ZFHX3: variants seen among roughly 807,000 people sequenced by gnomAD.
ZFHX3 encodes the protein zinc finger homeobox 3.
Under a neutral mutation model 279.1 loss-of-function variants are expected in ZFHX3, and 42 were observed. That is an observed-to-expected ratio of 0.15 (90% CI 0.12 to 0.19). The LOEUF (loss-of-function observed/expected upper bound fraction) is 0.19, where lower values mean the gene tolerates loss of function less well. Among genes scored for constraint, ZFHX3 ranks in the 10% least tolerant of loss-of-function variants. ZFHX3 has a pLI of 1.00. For missense variants in ZFHX3, 4,981 were observed against 4,754.0 expected (o/e 1.05, Z -1.40); for synonymous variants, 2,293 against 1,957.8 (o/e 1.17, Z -4.52).
At chr16:73,319,746 C>T (rs1366479626) in intron 3 of ZFHX3, among the ~76,000 whole-genome samples, 2 of 152,134 alleles carry the variant, frequency 1.3e-5, no homozygotes, top group Non-Finnish European at 2.9e-5. Flanking sequence ...TTAAACGAAA[C>T]CCCGCTTGAA....
chr16:73,024,262 C>T (rs985447306), intron 1 of ZFHX3, among the ~76,000 whole-genome samples: 6 of 152,128 alleles, frequency 3.9e-5, no homozygotes, highest in East Asian at 1.9e-4. Flanking sequence ...AAGGGAGGGG[C>T]GAAAGAAGAG....
intron 7 of ZFHX3, among the ~76,000 whole-genome samples, chr16:73,108,524 C>T (rs1044326353): frequency 1.3e-5 from 2 of 152,058 alleles, no homozygotes; most frequent in Admixed American, 1.3e-4. Flanking sequence ...CCACCTTGAC[C>T]TCACAAAGTG....
At chr16:73,765,996 T>TG (rs1391921226) in intron 1 of ZFHX3, among the ~76,000 whole-genome samples, 4 of 152,174 alleles carry the variant, frequency 2.6e-5, no homozygotes, top group African/African-American at 9.7e-5. Context: ...TTTTGGGAAT[T>TG]GGGGAGAAAA....
intron 1 of ZFHX3, among the ~76,000 whole-genome samples, chr16:73,729,764 T>A (rs1255026954): frequency 6.6e-6 from 1 of 152,140 alleles, no homozygotes; most frequent in Non-Finnish European, 1.5e-5. Flanking sequence ...ACCTGAAGAC[T>A]TGAGGGTGGT....
At chr16:73,588,755 C>T (rs1047074292) in intron 2 of ZFHX3, among the ~76,000 whole-genome samples, 12 of 150,124 alleles carry the variant, frequency 8.0e-5, no homozygotes, top group African/African-American at 2.7e-4. Context: ...TAGTCAACAC[C>T]CCCAAGGACA....
chr16:73,245,901 G>T (rs59590328), intron 5 of ZFHX3, among the ~76,000 whole-genome samples: 10 of 152,088 alleles, frequency 6.6e-5, no homozygotes, highest in African/African-American at 2.2e-4. Flanking sequence ...TTTAGGTCTG[G>T]GAACCTTAAG....
chr16:73,630,058 C>G (rs1386647903), intron 2 of ZFHX3, among the ~76,000 whole-genome samples: 1 of 152,026 alleles, frequency 6.6e-6, no homozygotes, highest in Non-Finnish European at 1.5e-5. Context: ...CTCAACCACT[C>G]TCTCTCTCTA....
intron 1 of ZFHX3, among the ~76,000 whole-genome samples, chr16:73,860,572 T>G (rs1961855113): frequency 6.6e-6 from 1 of 152,220 alleles, no homozygotes; most frequent in African/African-American, 2.4e-5. Context: ...ACCTCTTGTC[T>G]ACTACGCCAA....
intron 1 of ZFHX3, among the ~76,000 whole-genome samples, chr16:72,987,430 C>T (rs996657584): frequency 6.6e-6 from 1 of 152,202 alleles, no homozygotes; most frequent in Non-Finnish European, 1.5e-5. Context: ...TTCACCAGTG[C>T]TCCTGGTCTC....
intron 1 of ZFHX3, among the ~76,000 whole-genome samples, chr16:73,054,443 T>A (rs1234714036): frequency 6.4e-5 from 2 of 31,158 alleles, no homozygotes; most frequent in African/African-American, 3.1e-4. Flanking sequence ...ACCAGGAGGA[T>A]TTTTTTTTTT....
chr16:73,657,828 A>G (rs554980858), intron 2 of ZFHX3, among the ~76,000 whole-genome samples: 2 of 152,256 alleles, frequency 1.3e-5, no homozygotes, highest in East Asian at 3.9e-4. Flanking sequence ...GATATACCAC[A>G]TTTTGTTTAT....
chr16:73,464,450 T>G (rs1381390347), intron 2 of ZFHX3, among the ~76,000 whole-genome samples: 3 of 136,998 alleles, frequency 2.2e-5, no homozygotes, highest in African/African-American at 8.1e-5. Flanking sequence ...GATATCAATT[T>G]AAGAAAAAAA....
intron 4 of ZFHX3, among the ~76,000 whole-genome samples, chr16:72,886,085 T>C (rs919589057): frequency 6.6e-6 from 1 of 152,230 alleles, no homozygotes; most frequent in Non-Finnish European, 1.5e-5. Flanking sequence ...CTTTCAAGTT[T>C]TGAAGAGCCA....
chr16:73,516,473 A>G (rs2019524479), intron 2 of ZFHX3, among the ~76,000 whole-genome samples: 1 of 152,196 alleles, frequency 6.6e-6, no homozygotes, highest in Non-Finnish European at 1.5e-5. Flanking sequence ...AATGTTCTAT[A>G]TTGTGACACA....
chr16:73,076,718 G>T (rs568629271), intron 8 of ZFHX3, among the ~76,000 whole-genome samples: 1 of 147,840 alleles, frequency 6.8e-6, no homozygotes, highest in Non-Finnish European at 1.5e-5. Context: ...CAGAGTTATT[G>T]TTTCCTCTTA....
rs1215470729 is a variant in ZFHX3, at chr16:73,629,740, T to C, written c.-1547+50440A>G. 2.0e-5 allele frequency among the ~76,000 whole-genome samples: 3 copies of C among 152,152 alleles called. No homozygotes were observed. The East Asian group carries it at 5.8e-4, about 29-fold the overall frequency. The stretch of plus-strand genomic sequence containing the variant: ...TGGGAGATGGACATAAAGAGATGAA[T>C]TTAAGGCACACTTAAATTCCTGACA... On this transcript the variant is annotated intron_variant, in intron 2 of 17. Coordinates refer to the ZFHX3 transcript ENST00000641206.
rs575548261 is a variant in ZFHX3, at chr16:73,210,185, A to C, written c.-1104+46862T>G. Among the ~76,000 whole-genome samples the C allele has an allele frequency of 2.0e-4, 31 of 152,348 alleles. 2 individuals carry two copies. The highest frequency in any genetic ancestry group is 1.1e-3 in the Admixed American group (17 of 15,298). On this transcript the variant is annotated intron_variant, in intron 5 of 17. Transcript: ENST00000641206. ...GCATAAAATGAAATAAAAATTTCTC[A>C]GCAAAATTAGAGAAATGTCTAAAAT... is the stretch of plus-strand genomic sequence containing the variant.
intron 5 of ZFHX3, among the ~76,000 whole-genome samples, chr16:73,238,999 C>A (rs7197618): frequency 6.6e-6 from 1 of 152,164 alleles, no homozygotes; most frequent in African/African-American, 2.4e-5. Context: ...CAGCATGACT[C>A]CACTTTCACA....
At chr16:73,173,057 G>T (rs1967577525) in intron 5 of ZFHX3, among the ~76,000 whole-genome samples, 1 of 131,836 alleles carries the variant, frequency 7.6e-6, no homozygotes, top group East Asian at 2.3e-4. Context: ...TCAGGGAAGG[G>T]CTTATGTGAT....
Sources: gnomAD v4.1 joint callset for allele counts (sites outside exome capture counted in the v4.1 genomes callset) on GRCh38, gnomAD v4.1.1 for gene constraint, MANE v1.5 for transcripts, NCBI Gene and HGNC (gene_info 2026-07-23, HGNC 2026-07-21) for gene names.